GRID2: variants seen among roughly 807,000 people sequenced by gnomAD.
The protein encoded by GRID2 is glutamate ionotropic receptor delta type subunit 2.
GRID2 carries 33 observed loss-of-function variants against 114.8 expected under a neutral mutation model. The observed-to-expected ratio is 0.29, with a 90% CI of 0.22 to 0.38. The LOEUF (loss-of-function observed/expected upper bound fraction) is 0.38, where lower values mean the gene tolerates loss of function less well. GRID2 is among the 10% of genes least tolerant of loss of function. The pLI is 1.00. For synonymous variants in GRID2, 505 were observed against 449.9 expected (o/e 1.12, Z -1.55); for missense variants, 1,184 against 1,257.7 (o/e 0.94, Z 0.89).
chr4:92,360,238 T>A (rs147768288), intron 1 of GRID2, among the ~76,000 whole-genome samples: 27 of 152,096 alleles, frequency 1.8e-4, no homozygotes, highest in Non-Finnish European at 3.2e-4. Context: ...TTTAATCTCA[T>A]ACTATTCCAA....
intron 8 of GRID2, among the ~76,000 whole-genome samples, chr4:93,254,211 A>G (rs532845262): frequency 2.2e-4 from 34 of 152,212 alleles, no homozygotes; most frequent in African/African-American, 7.9e-4. Flanking sequence ...AAAATTCAAT[A>G]AATACACTTT....
rs142734505 is a variant in GRID2, at chr4:92,353,959, C to T, written c.88+49215C>T. Among the ~76,000 whole-genome samples the T allele has an allele frequency of 1.8e-3, 270 of 152,052 alleles. 1 individual carries two copies. The highest frequency in any genetic ancestry group is 2.5e-3 in the Non-Finnish European group (173 of 67,950). On this transcript the variant is annotated intron_variant, in intron 1 of 15. Coordinates refer to ENST00000282020, the MANE Select transcript of GRID2 (RefSeq NM_001510.4). ...ACCATAAACTTTTGCCTCAGGCATC[C>T]GCAGAATGTTTTGCAGCCTTGCAAT...
intron 13 of GRID2, among the ~76,000 whole-genome samples, chr4:93,581,687 C>G (rs1736996739): frequency 6.6e-6 from 1 of 152,098 alleles, no homozygotes; most frequent in Non-Finnish European, 1.5e-5. Flanking sequence ...GGGCTAAATT[C>G]TATGTCTGCT....
At chr4:93,664,063 A>G (rs544987619) in intron 14 of GRID2, among the ~76,000 whole-genome samples, 1 of 152,332 alleles carries the variant, frequency 6.6e-6, no homozygotes, top group African/African-American at 2.4e-5. Context: ...ACTCTCTAAT[A>G]TGTGAGCAGA....
intron 8 of GRID2, among the ~76,000 whole-genome samples, chr4:93,259,927 AAG>A (rs1368438995): frequency 2.0e-5 from 3 of 151,734 alleles, no homozygotes; most frequent in Admixed American, 6.6e-5. Flanking sequence ...AATGAGTAAG[AAG>A]AGAGAGAATT....
At chr4:93,407,772 CTCCTCA>C (rs1766647234) in intron 9 of GRID2, among the ~76,000 whole-genome samples, 1 of 126,538 alleles carries the variant, frequency 7.9e-6, no homozygotes, top group Non-Finnish European at 1.6e-5. Flanking sequence ...CCTCCTCCTC[CTCCTCA>C]TCCTCCTCGT....
At chr4:93,055,271 T>C (rs1727116661) in intron 2 of GRID2, among the ~76,000 whole-genome samples, 1 of 151,760 alleles carries the variant, frequency 6.6e-6, no homozygotes, top group Non-Finnish European at 1.5e-5. Context: ...GTTCCACCCC[T>C]CTCTCTGTGG....
chr4:92,939,114 G>C (rs1002133808), intron 2 of GRID2, among the ~76,000 whole-genome samples: 1 of 147,156 alleles, frequency 6.8e-6, no homozygotes, highest in Non-Finnish European at 1.5e-5. Context: ...GGTATTTCTA[G>C]TTCTAGATCC....
rs556824849 is a variant in GRID2, at chr4:92,590,714, A to G, written c.244+428A>G. On this transcript the variant is annotated intron_variant, in intron 2 of 15. Coordinates refer to ENST00000282020, the MANE Select transcript of GRID2 (RefSeq NM_001510.4). ...ACTGCTGAAAGAAAAACCCTTGGACACTACATACAAATCAAAGATTTTGTA... is the reference window on the plus strand; with the variant it reads ...ACTGCTGAAAGAAAAACCCTTGGACGCTACATACAAATCAAAGATTTTGTA... 8.9e-4 allele frequency among the ~76,000 whole-genome samples: 135 copies of G among 152,302 alleles called. 1 individual carries two copies. The South Asian group carries it at 0.027, about 30-fold the overall frequency.
intron 2 of GRID2, among the ~76,000 whole-genome samples, chr4:92,958,587 A>G (rs1402493616): frequency 3.3e-5 from 5 of 152,166 alleles, no homozygotes; most frequent in African/African-American, 1.2e-4. Flanking sequence ...TTTGTTGAAG[A>G]TATTTGCATC....
chr4:92,985,960 G>A (rs1048848217), intron 2 of GRID2, among the ~76,000 whole-genome samples: 20 of 152,248 alleles, frequency 1.3e-4, no homozygotes, highest in African/African-American at 4.3e-4. Flanking sequence ...TTCACCGTCT[G>A]CTTAATTCCT....
At chr4:93,320,749 C>A (rs912378541) in intron 8 of GRID2, among the ~76,000 whole-genome samples, 1 of 151,828 alleles carries the variant, frequency 6.6e-6, no homozygotes, top group African/African-American at 2.4e-5. Context: ...TTATAAAAGT[C>A]AAACAATAGA....
chr4:92,405,271 C>A (rs1484025209), intron 1 of GRID2, among the ~76,000 whole-genome samples: 1 of 152,098 alleles, frequency 6.6e-6, no homozygotes, highest in Admixed American at 6.6e-5. Context: ...CATGTTAATG[C>A]ATTTAAAATA....
chr4:93,551,899 C>T (rs1377522372), intron 13 of GRID2, among the ~76,000 whole-genome samples: 1 of 152,166 alleles, frequency 6.6e-6, no homozygotes, highest in East Asian at 1.9e-4. Context: ...TTTTATTATG[C>T]TTTAAGTTTT....
intron 11 of GRID2, among the ~76,000 whole-genome samples, chr4:93,469,886 T>A (rs1724642160): frequency 6.6e-6 from 1 of 152,166 alleles, no homozygotes; most frequent in Admixed American, 6.5e-5. Flanking sequence ...TATAGATTAG[T>A]GACGTTTCTG....
chr4:92,427,570 T>C (rs367808581), intron 1 of GRID2, among the ~76,000 whole-genome samples: 9 of 152,308 alleles, frequency 5.9e-5, no homozygotes, highest in African/African-American at 2.2e-4. Context: ...ATTATAATTG[T>C]AGATGGAAAA....
chr4:92,706,134 A>T (rs1013725823), intron 2 of GRID2, among the ~76,000 whole-genome samples: 1 of 152,188 alleles, frequency 6.6e-6, no homozygotes, highest in African/African-American at 2.4e-5. Flanking sequence ...ACGGGGGAGC[A>T]TCATACGTTT....
chr4:93,453,117 CTATGAGTG>C (rs2149407757), intron 10 of GRID2, among the ~76,000 whole-genome samples: 1 of 149,322 alleles, frequency 6.7e-6, no homozygotes, highest in East Asian at 2.0e-4. Context: ...CAATTCCCAC[CTATGAGTG>C]AGAACATGCG....
intron 1 of GRID2, among the ~76,000 whole-genome samples, chr4:92,495,914 A>G (rs1022828723): frequency 6.6e-6 from 1 of 151,880 alleles, no homozygotes; most frequent in Non-Finnish European, 1.5e-5. Context: ...ATTGGCAACT[A>G]TACCCAGACA....
Sources: gnomAD v4.1 joint callset for allele counts (sites outside exome capture counted in the v4.1 genomes callset) on GRCh38, gnomAD v4.1.1 for gene constraint, MANE v1.5 for transcripts, NCBI Gene and HGNC (gene_info 2026-07-23, HGNC 2026-07-21) for gene names.